Variants in POLD3 observed in about 807,000 individuals in gnomAD.
POLD3 encodes the protein DNA polymerase delta subunit 3.
In POLD3, 19 loss-of-function variants were observed where a neutral mutation model predicts 58.2. The ratio of observed to expected loss-of-function variants is 0.33; its 90% CI spans 0.23 to 0.48. The LOEUF is 0.48. POLD3 is among the 20% of genes least tolerant of loss of function. The probability of loss-of-function intolerance (pLI) is 0.99; values close to 1 mark genes in which losing one functional copy is unlikely to be tolerated. For missense variants in POLD3, 504 were observed against 545.5 expected (o/e 0.92, Z 0.76); for synonymous variants, 172 against 193.5 (o/e 0.89, Z 0.92).
intron 4 of POLD3, among the ~76,000 whole-genome samples, chr11:74,612,571 T>G (rs369408844): frequency 6.6e-6 from 1 of 152,206 alleles, no homozygotes; most frequent in Non-Finnish European, 1.5e-5. Flanking sequence ...TAAGGCTCTT[T>G]TCTGACCAAA....
intron 4 of POLD3, among the ~76,000 whole-genome samples, chr11:74,656,750 T>G (rs1017237445): frequency 3.4e-5 from 4 of 117,962 alleles, no homozygotes; most frequent in African/African-American, 1.5e-4. Flanking sequence ...CAGGGTTTTT[T>G]TTTTTTTTTT....
downstream of POLD3, among the ~76,000 whole-genome samples, chr11:74,644,309 A>C (rs146643456): frequency 6.6e-6 from 1 of 152,334 alleles, no homozygotes; most frequent in East Asian, 1.9e-4. Flanking sequence ...GTCTCCTTTC[A>C]TTGGTTCCAG....
At position 74,618,594 on chromosome 11, in the gene POLD3, G is replaced by A. The variant is rs200071007; in HGVS notation, c.450G>A (p.Ser150=). The A allele has an allele frequency of 2.7e-5, 44 of 1,613,598 alleles. No homozygotes were observed. The highest frequency in any genetic ancestry group is 9.9e-5 in the South Asian group (9 of 91,064). Residue 150 remains serine (S), a synonymous_variant, in exon 6 of 12, where the codon TCG becomes TCA. Transcript: ENST00000263681. ...CTAGAGCTCCTGCTGAATCCTCTTC[G>A]TCTTCCAAAAAGTTTGAGCAGTCAC... ...AVPRAPAESS[S]SSKKFEQSHL... is the part of the protein sequence containing the mutation.
At chr11:74,664,825 T>C (rs57243932) in intron 4 of POLD3, among the ~76,000 whole-genome samples, 4,924 of 152,158 alleles carry the variant, frequency 0.032, 306 homozygotes, top group African/African-American at 0.11. Context: ...AAGAGCTGGG[T>C]GTGGTGGCTC....
At chr11:74,643,359 A>G (rs1312930823), downstream of POLD3, among the ~76,000 whole-genome samples, 3 of 152,232 alleles carry the variant, frequency 2.0e-5, no homozygotes, top group Non-Finnish European at 1.5e-5. Flanking sequence ...TTTATTGTGT[A>G]TCTACTATGT....
intron 9 of POLD3, among the ~76,000 whole-genome samples, chr11:74,631,308 G>C (rs11236179): frequency 0.017 from 2,628 of 152,196 alleles, 76 homozygotes; most frequent in African/African-American, 0.061. Flanking sequence ...ACCACTTATT[G>C]TGTGACTTTA....
rs56331928 is a variant in POLD3 at position 74,604,654 on chromosome 11, A to G, written c.117-38A>G. The G allele has an allele frequency of 2.0e-3, 2,058 of 1,047,066 alleles. 50 individuals carry two copies. The South Asian group carries it at 0.026, about 13-fold the overall frequency. The allele number at this position is 1,047,066 out of a possible 1,614,324, so 64.9% of individuals were successfully genotyped here. On this transcript the variant is annotated intron_variant, in intron 2 of 11. Coordinates refer to ENST00000263681, the MANE Select transcript of POLD3 (RefSeq NM_006591.3). ...AAGAGTTGATCATGTAAAAACTCTT[A>G]CTGATGTCTTACTTGTGCCTTCTTT...
chr11:74,656,782 T>C (rs1174801852), intron 4 of POLD3, among the ~76,000 whole-genome samples: 1 of 151,654 alleles, frequency 6.6e-6, no homozygotes, highest in African/African-American at 2.4e-5. Flanking sequence ...ATTTGTTTTG[T>C]GACCCAACAT....
At chr11:74,631,658 AT>A (rs1250968165) in intron 9 of POLD3, among the ~76,000 whole-genome samples, 1 of 151,222 alleles carries the variant, frequency 6.6e-6, no homozygotes, top group Non-Finnish European at 1.5e-5. Flanking sequence ...TAATTTTTGT[AT>A]TTTTAGTAGA....
intron 3 of POLD3, among the ~76,000 whole-genome samples, chr11:74,610,363 A>G (rs1210922933): frequency 6.6e-6 from 1 of 152,038 alleles, no homozygotes; most frequent in Non-Finnish European, 1.5e-5. Flanking sequence ...GGCATGCACC[A>G]CCATGCCCAG....
At chr11:74,593,613 T>C (rs1442642785) in intron 1 of POLD3, among the ~76,000 whole-genome samples, 2 of 152,220 alleles carry the variant, frequency 1.3e-5, no homozygotes, top group Admixed American at 1.3e-4. Context: ...TTTCGTTTCC[T>C]GACCCCTGCA....
At chr11:74,653,183 G>A (rs941139990) in intron 4 of POLD3, among the ~76,000 whole-genome samples, 1 of 152,124 alleles carries the variant, frequency 6.6e-6, no homozygotes, top group African/African-American at 2.4e-5. Flanking sequence ...CCAAAGTATT[G>A]CAAAAACCAC....
chr11:74,659,577 C>T (rs1218728793), intron 4 of POLD3, among the ~76,000 whole-genome samples: 1 of 152,144 alleles, frequency 6.6e-6, no homozygotes, highest in Admixed American at 6.5e-5. Flanking sequence ...ACCCAAGTCC[C>T]CTCTTGAATG....
chr11:74,618,351 A>G (rs998417612), intron 5 of POLD3, among the ~76,000 whole-genome samples, 186 bp from the exon 6 acceptor site: 1 of 152,224 alleles, frequency 6.6e-6, no homozygotes, highest in Non-Finnish European at 1.5e-5. Flanking sequence ...TTCTTTATGT[A>G]ATAGAGAGTT....
chr11:74,634,682 C>T lies in POLD3; in HGVS notation c.1106C>T (p.Pro369Leu), dbSNP rs1161258454. The T allele has an allele frequency of 1.3e-6, 2 of 1,596,456 alleles. No individual in the cohort carries two copies. Among genetic ancestry groups the T allele is most frequent in the Admixed American group, 1.7e-5 (1 of 60,004 alleles). Residue 369 changes from proline to leucine, a missense_variant, in exon 10 of 12, where the codon CCT becomes CTT. Physicochemically the swap from Pro to Leu is moderately conservative, Grantham distance 98 (BLOSUM62 -3). Transcript: ENST00000263681. ...LEPVPKTEPE[P>L]PSVKSSSGEN... The stretch of plus-strand genomic sequence containing the variant: ...CCAGTGCCAAAGACTGAGCCTGAAC[C>T]TCCTTCTGTCAAGGTAAAATTATAC...
intron 10 of POLD3, 39 bp from the exon 11 acceptor site, chr11:74,636,158 A>T: frequency 6.3e-7 from 1 of 1,583,084 alleles, no homozygotes; most frequent in Non-Finnish European, 8.6e-7. Flanking sequence ...TGTATAACAT[A>T]ATTGATCCAG....
intron 2 of POLD3, 159 bp from the exon 3 acceptor site, chr11:74,604,533 T>TG: frequency 3.7e-6 from 2 of 544,118 alleles, no homozygotes; most frequent in Non-Finnish European, 6.6e-6. Context: ...AGTCCATCCT[T>TG]TTTTTTTTTC....
At chr11:74,636,025 G>A (rs41552218) in intron 10 of POLD3, among the ~76,000 whole-genome samples, 172 bp from the exon 11 acceptor site, 2,121 of 152,300 alleles carry the variant, frequency 0.014, 15 homozygotes, top group Middle Eastern at 0.061. Context: ...TATAGTGGGC[G>A]TAACTTGTCT....
chr11:74,607,240 T>TATATATATATATA (rs761011170), intron 3 of POLD3, among the ~76,000 whole-genome samples: 17 of 61,914 alleles, frequency 2.7e-4, no homozygotes, highest in African/African-American at 1.3e-3. Context: ...ATTATTATTA[T>TATATATATATATA]TATATATTTA....
Sources: gnomAD v4.1 joint callset for allele counts (sites outside exome capture counted in the v4.1 genomes callset) on GRCh38, gnomAD v4.1.1 for gene constraint, MANE v1.5 for transcripts, NCBI Gene and HGNC (gene_info 2026-07-23, HGNC 2026-07-21) for gene names.